Variants in SKOR2 observed in about 807,000 individuals in gnomAD.
The protein encoded by SKOR2 is SKI family transcriptional corepressor 2, also known as LBX1 corepressor 1-like protein.
Under a neutral mutation model 69.1 loss-of-function variants are expected in SKOR2, and 47 were observed. The ratio of observed to expected loss-of-function variants is 0.68; its 90% CI spans 0.54 to 0.87. The LOEUF is 0.87. SKOR2 is among the 40% of genes least tolerant of loss of function. The pLI is 0.00. For missense variants in SKOR2, 1,404 were observed against 1,472.2 expected (o/e 0.95, Z 0.76); for synonymous variants, 717 against 672.6 (o/e 1.07, Z -1.02).
chr18:47,234,430 C>T (rs1256293090), intron 4 of SKOR2: 2 of 152,188 alleles, frequency 1.3e-5, no homozygotes, highest in African/African-American at 4.8e-5. Flanking sequence ...ATTTCCCTCA[C>T]CCCTTTTGTT....
chr18:47,235,885 G>T (rs1290211669), intron 4 of SKOR2, among the ~76,000 whole-genome samples: 1 of 149,878 alleles, frequency 6.7e-6, no homozygotes, highest in African/African-American at 2.5e-5. Context: ...CTCTGCTCAA[G>T]AACCTGCAAT....
intron 8 of SKOR2, among the ~76,000 whole-genome samples, chr18:47,211,660 T>C (rs1397856270): frequency 6.6e-6 from 1 of 152,226 alleles, no homozygotes; most frequent in East Asian, 1.9e-4. Context: ...TCCCCAGTTG[T>C]TCATATTACC....
At chr18:47,235,647 T>G (rs1478407348) in intron 4 of SKOR2, among the ~76,000 whole-genome samples, 1 of 152,104 alleles carries the variant, frequency 6.6e-6, no homozygotes, top group African/African-American at 2.4e-5. Flanking sequence ...AACCCACTCT[T>G]GGTTCTGCCC....
chr18:47,207,397 A>G lies in SKOR2; in HGVS notation c.*4-505T>C, dbSNP rs112731749. Among the ~76,000 whole-genome samples, 565 of 152,272 alleles carry G rather than the reference A, an allele frequency of 3.7e-3. 5 individuals carry two copies. Among genetic ancestry groups the G allele is most frequent in the African/African-American group, 0.013 (543 of 41,564 alleles). ...GGTGACAAACCAGAGGAGAGCAGACAATGTATGGAATGCAGAGCCAGCCCC... is the reference window on the plus strand; with the variant it reads ...GGTGACAAACCAGAGGAGAGCAGACGATGTATGGAATGCAGAGCCAGCCCC... On this transcript the variant is annotated intron_variant, in intron 8 of 8. Coordinates refer to ENST00000425639, the MANE Select transcript of SKOR2 (RefSeq NM_001278063.4).
intron 6 of SKOR2, among the ~76,000 whole-genome samples, chr18:47,229,474 T>G (rs1161913158): frequency 2.0e-5 from 3 of 152,008 alleles, no homozygotes; most frequent in African/African-American, 4.8e-5. Context: ...ACCAATATGG[T>G]GAAACTCTGC....
chr18:47,216,387 G>A (rs1379973180), intron 7 of SKOR2, among the ~76,000 whole-genome samples: 1 of 152,050 alleles, frequency 6.6e-6, no homozygotes, highest in African/African-American at 2.4e-5. Context: ...CCCAAATTTT[G>A]AGCTATTTTT....
In SKOR2 at chr18:47,247,244, G is replaced by T; in HGVS notation, c.1940C>A (p.Pro647His). Residue 647 changes from proline (P) to histidine (H), a missense_variant, in exon 2 of 9, where the codon CCC (proline) becomes CAC (histidine). Physicochemically the swap from Pro to His is moderately conservative, Grantham distance 77. Coordinates refer to ENST00000425639, the MANE Select transcript of SKOR2 (RefSeq NM_001278063.4). This position sits in a 1 kb window ranked among gnomAD's most constrained non-coding sequence, Gnocchi z 6.6. Reference sequence around the variant, plus strand: ...GTGGGGATGCGTCTGGGCCGAGTGGGGCGCGCCCGCCGACGCCCCGTGCAG... The same window carrying T: ...GTGGGGATGCGTCTGGGCCGAGTGGTGCGCGCCCGCCGACGCCCCGTGCAG... ...AKLHGASAGA[P>H]HSAQTHPHHH... The T allele has an allele frequency of 6.8e-7, 1 of 1,469,896 alleles. No individual in the cohort carries two copies. Among genetic ancestry groups the T allele is most frequent in the South Asian group, 1.3e-5 (1 of 77,912 alleles). 91.1% of individuals were successfully genotyped at this position (1,469,896 alleles called of 1,614,324 possible).
intron 4 of SKOR2, among the ~76,000 whole-genome samples, chr18:47,238,249 A>G (rs767905040): frequency 3.3e-5 from 5 of 152,104 alleles, no homozygotes; most frequent in Non-Finnish European, 2.9e-5. Flanking sequence ...TGCAGAAAAA[A>G]AGAAAGAAAG....
intron 7 of SKOR2, among the ~76,000 whole-genome samples, chr18:47,214,994 TAAA>T (rs5824652): frequency 6.7e-6 from 1 of 149,082 alleles, no homozygotes; most frequent in African/African-American, 2.5e-5. Flanking sequence ...TACTGGAGTT[TAAA>T]AAAAAAAAGT....
chr18:47,221,873 C>T (rs764114281), intron 6 of SKOR2, among the ~76,000 whole-genome samples: 40 of 152,176 alleles, frequency 2.6e-4, no homozygotes, highest in Non-Finnish European at 3.2e-4. Flanking sequence ...AGCTAATAAA[C>T]GAGGAGTAAA....
chr18:47,244,995 C>A lies in SKOR2; in HGVS notation c.2678-13G>T. ...TCCTTGTTCTTATCTAGAACCAAAA[C>A]AAAACACAAAATCTGCAAGTGATCC... On this transcript the variant is annotated splice_polypyrimidine_tract_variant and intron_variant, in intron 3 of 8. Transcript: ENST00000425639. The A allele has an allele frequency of 6.5e-7, 1 of 1,529,944 alleles. No homozygotes were observed. Among genetic ancestry groups the A allele is most frequent in the Non-Finnish European group, 8.7e-7 (1 of 1,144,404 alleles). The allele number at this position is 1,529,944 out of a possible 1,614,324, so 94.8% of individuals were successfully genotyped here. A position where few individuals can be genotyped will look rare whatever the true frequency, so the allele number is the denominator to read the frequency against.
intron 7 of SKOR2, among the ~76,000 whole-genome samples, chr18:47,219,232 A>C (rs192711860): frequency 7.2e-5 from 11 of 152,316 alleles, no homozygotes; most frequent in Non-Finnish European, 1.0e-4. Context: ...GAGCAGAAAT[A>C]ATTTTCTCCA....
intron 6 of SKOR2, among the ~76,000 whole-genome samples, chr18:47,227,354 T>TTG (rs2064182227): frequency 7.2e-6 from 1 of 138,322 alleles, no homozygotes; most frequent in Non-Finnish European, 1.5e-5. Context: ...TTTTTTTTTT[T>TTG]GGAGACGGAG....
intron 4 of SKOR2, chr18:47,231,245 T>A: frequency 7.1e-7 from 1 of 1,404,614 alleles, no homozygotes; most frequent in Non-Finnish European, 9.7e-7. Flanking sequence ...AGCAGATTCT[T>A]GAAGTTATTC....
At position 47,248,890 on chromosome 18, in the gene SKOR2, T is replaced by A; in HGVS notation, c.294A>T (p.Gln98His). 1 of 1,567,600 alleles carries A rather than the reference T, an allele frequency of 6.4e-7. No individual in the cohort carries two copies. Among genetic ancestry groups the A allele is most frequent in the Middle Eastern group, 1.7e-4 (1 of 6,036 alleles). The change falls in exon 2 of 9, where the codon CAA (glutamine) becomes CAT (histidine). Residue 98 changes from glutamine to histidine, a missense_variant. By Grantham distance (24) the Gln-to-His change is conservative. Coordinates refer to ENST00000425639, the MANE Select transcript of SKOR2 (RefSeq NM_001278063.4). The surrounding 1 kb of genome is among the most constrained non-coding windows in gnomAD (Gnocchi z 6.4). ...CCCCGGCACGCCGCAGGATCTCCAG[T>A]TGCACCGGCGTGCACTGCACACACG... Reference protein sequence around the residue: ...GITCVQCTPVQLEILRRAGAM... With the variant: ...GITCVQCTPVHLEILRRAGAM...
intron 6 of SKOR2, among the ~76,000 whole-genome samples, chr18:47,227,361 G>C (rs541645101): frequency 4.0e-5 from 5 of 125,036 alleles, no homozygotes; most frequent in Non-Finnish European, 8.0e-5. Flanking sequence ...TTTTGGAGAC[G>C]GAGTCTCCCT....
chr18:47,222,603 T>C (rs2064165170), intron 6 of SKOR2, among the ~76,000 whole-genome samples: 1 of 152,166 alleles, frequency 6.6e-6, no homozygotes, highest in African/African-American at 2.4e-5. Context: ...TCCAGGAAGA[T>C]CAGTGTGGTT....
At chr18:47,222,991 AG>A in intron 6 of SKOR2, among the ~76,000 whole-genome samples, 1 of 152,354 alleles carries the variant, frequency 6.6e-6, no homozygotes, top group Non-Finnish European at 1.5e-5. Context: ...AGAGCATAAA[AG>A]GCAAAAACTG....
chr18:47,221,288 T>C (rs957548386), intron 6 of SKOR2, among the ~76,000 whole-genome samples: 3 of 152,320 alleles, frequency 2.0e-5, no homozygotes, highest in African/African-American at 7.2e-5. Flanking sequence ...TCAAAGTCAC[T>C]GTAATAGAGG....
Sources: gnomAD v4.1 joint callset for allele counts (sites outside exome capture counted in the v4.1 genomes callset) on GRCh38, gnomAD v4.1.1 for gene constraint, Gnocchi (gnomAD v3.1) non-coding constraint, MANE v1.5 for transcripts, NCBI Gene and HGNC (gene_info 2026-07-23, HGNC 2026-07-21) for gene names.